Variants in CPQ observed in about 807,000 individuals in gnomAD.
CPQ encodes Ser-Met dipeptidase.
CPQ carries 37 observed loss-of-function variants against 45.7 expected under a neutral mutation model. The observed-to-expected ratio is 0.81, with a 90% CI of 0.62 to 1.07. The LOEUF (loss-of-function observed/expected upper bound fraction) is 1.07. Among genes scored for constraint, CPQ ranks in the 50% least tolerant of loss-of-function variants. The pLI, the probability that CPQ is intolerant of heterozygous loss-of-function variation, is 0.00. For synonymous variants in CPQ, 186 were observed against 205.8 expected (o/e 0.90, Z 0.82); for missense variants, 537 against 572.9 (o/e 0.94, Z 0.64).
chr8:96,874,814 T>C (rs1812123835), intron 3 of CPQ, among the ~76,000 whole-genome samples: 1 of 151,960 alleles, frequency 6.6e-6, no homozygotes, highest in Admixed American at 6.6e-5. Context: ...GTAATATTTC[T>C]TCATGTGGGC....
At chr8:96,837,991 T>G (rs1178467815) in intron 3 of CPQ, among the ~76,000 whole-genome samples, 1 of 152,168 alleles carries the variant, frequency 6.6e-6, no homozygotes, top group Non-Finnish European at 1.5e-5. Flanking sequence ...GCACCACGTT[T>G]CCTCAAAGTG....
chr8:97,071,602 T>A (rs564078879), intron 7 of CPQ, among the ~76,000 whole-genome samples: 1 of 152,156 alleles, frequency 6.6e-6, no homozygotes, highest in Non-Finnish European at 1.5e-5. Context: ...ACTCACTGAT[T>A]CCTACAGCAG....
At chr8:97,086,857 C>A (rs1250199040) in intron 7 of CPQ, among the ~76,000 whole-genome samples, 1 of 152,102 alleles carries the variant, frequency 6.6e-6, no homozygotes, top group African/African-American at 2.4e-5. Flanking sequence ...ATCAAGAATC[C>A]TTCAGATTGG....
Position 97,143,113 on chromosome 8 carries a change from T to A in CPQ, c.1349T>A (p.Val450Asp), listed in dbSNP as rs763162660. ...GTCATGGATCCAAAGCAGATGAATG[T>A]TGCTGCTGCTGTTTGGGCTGTTGTT... is the stretch of plus-strand genomic sequence containing the variant. ...MTVMDPKQMN[V>D]AAAVWAVVSY... Residue 450 changes from valine (V) to aspartate (D), a missense_variant, in exon 8 of 8, where the codon GTT becomes GAT. By Grantham distance (152) the Val-to-Asp change is radical. Coordinates refer to ENST00000220763, the MANE Select transcript of CPQ (RefSeq NM_016134.4). 1 of 1,614,050 alleles carries A rather than the reference T, an allele frequency of 6.2e-7. No individual in the cohort carries two copies. Among genetic ancestry groups the A allele is most frequent in the South Asian group, 1.1e-5 (1 of 91,064 alleles).
intron 7 of CPQ, among the ~76,000 whole-genome samples, chr8:97,094,857 T>C (rs1208616268): frequency 6.6e-6 from 1 of 152,140 alleles, no homozygotes; most frequent in African/African-American, 2.4e-5. Flanking sequence ...CTCCTTCCAG[T>C]GCATCCTGAA....
intron 6 of CPQ, among the ~76,000 whole-genome samples, chr8:97,057,763 T>C (rs1243034645): frequency 6.6e-6 from 1 of 152,170 alleles, no homozygotes; most frequent in Admixed American, 6.5e-5. Flanking sequence ...TATTTGGACA[T>C]TTTCTTGTAG....
At chr8:96,689,353 T>C (rs1809275274) in intron 1 of CPQ, among the ~76,000 whole-genome samples, 1 of 152,120 alleles carries the variant, frequency 6.6e-6, no homozygotes, top group South Asian at 2.1e-4. Context: ...CTGTGTCAAG[T>C]TTTGTTAATT....
intron 7 of CPQ, among the ~76,000 whole-genome samples, chr8:97,113,302 C>G (rs1377577863): frequency 6.6e-6 from 1 of 151,996 alleles, no homozygotes; most frequent in African/African-American, 2.4e-5. Flanking sequence ...AGGGAGGAGA[C>G]AGAGAGAGCA....
intron 2 of CPQ, among the ~76,000 whole-genome samples, chr8:96,790,450 G>A (rs1019690521): frequency 6.6e-6 from 1 of 152,122 alleles, no homozygotes. Context: ...CTATGAGTAG[G>A]ACTTGGGTAG....
chr8:96,660,636 G>GGTGTGTGTGTGTGTGT (rs71267273), intron 1 of CPQ, among the ~76,000 whole-genome samples: 1 of 149,050 alleles, frequency 6.7e-6, no homozygotes, highest in Non-Finnish European at 1.5e-5. Flanking sequence ...GAATACATTT[G>GGTGTGTGTGTGTGTGT]GTGTGTGTGT....
intron 5 of CPQ, among the ~76,000 whole-genome samples, chr8:96,980,324 G>A (rs1422497314): frequency 2.6e-5 from 4 of 152,026 alleles, no homozygotes; most frequent in Admixed American, 6.6e-5. Flanking sequence ...GTAGAGACGG[G>A]GTTTCACCCT....
At chr8:96,719,135 G>A (rs976570756) in intron 1 of CPQ, among the ~76,000 whole-genome samples, 1 of 152,244 alleles carries the variant, frequency 6.6e-6, no homozygotes, top group African/African-American at 2.4e-5. Flanking sequence ...GTGGAGCAAG[G>A]GGTGGCACTC....
At chr8:97,065,076 G>A (rs1018173370) in intron 6 of CPQ, among the ~76,000 whole-genome samples, 1 of 152,154 alleles carries the variant, frequency 6.6e-6, no homozygotes, top group South Asian at 2.1e-4. Context: ...TTTTTACTAG[G>A]TGAGTAATGA....
At chr8:97,134,275 A>C (rs1206042445) in intron 7 of CPQ, among the ~76,000 whole-genome samples, 1 of 152,254 alleles carries the variant, frequency 6.6e-6, no homozygotes, top group African/African-American at 2.4e-5. Flanking sequence ...ACATTCTAGC[A>C]GAAAAGACAG....
chr8:96,989,215 T>C (rs1809043338), intron 5 of CPQ, among the ~76,000 whole-genome samples: 1 of 152,024 alleles, frequency 6.6e-6, no homozygotes, highest in South Asian at 2.1e-4. Flanking sequence ...AGTTCCTTAA[T>C]TGTGAGGAAG....
At chr8:96,674,855 T>C (rs958634567) in intron 1 of CPQ, among the ~76,000 whole-genome samples, 2 of 152,072 alleles carry the variant, frequency 1.3e-5, no homozygotes, top group African/African-American at 4.8e-5. Flanking sequence ...AGAACAAAAA[T>C]GATTTAAAGG....
intron 1 of CPQ, among the ~76,000 whole-genome samples, chr8:96,779,254 C>G (rs1468208129): frequency 6.7e-6 from 1 of 148,754 alleles, no homozygotes; most frequent in Non-Finnish European, 1.5e-5. Context: ...AGACTGTCTT[C>G]AGATGTTATG....
At chr8:96,891,611 C>G (rs563516852) in intron 4 of CPQ, among the ~76,000 whole-genome samples, 1 of 152,180 alleles carries the variant, frequency 6.6e-6, no homozygotes, top group South Asian at 2.1e-4. Context: ...TTAAAATCCC[C>G]CTCTGCTGAG....
intron 4 of CPQ, among the ~76,000 whole-genome samples, chr8:96,886,095 C>T (rs1475505484): frequency 6.6e-6 from 1 of 152,174 alleles, no homozygotes; most frequent in Non-Finnish European, 1.5e-5. Flanking sequence ...GATGGTGGCA[C>T]ATTCTGGCTC....
Sources: allele counts gnomAD v4.1 joint callset (sites outside exome capture counted in the v4.1 genomes callset), GRCh38; gene constraint gnomAD v4.1.1; transcripts MANE v1.5; gene names NCBI Gene and HGNC (gene_info 2026-07-23, HGNC 2026-07-21).